Variants in GALNT18 observed in about 807,000 individuals in gnomAD.
GALNT18 encodes the protein polypeptide N-acetylgalactosaminyltransferase 18, also known as GalNAc-transferase 18.
In GALNT18, 44 loss-of-function variants were observed where a neutral mutation model predicts 69.5. The ratio of observed to expected loss-of-function variants is 0.63; its 90% confidence interval spans 0.50 to 0.81. The LOEUF (loss-of-function observed/expected upper bound fraction) is 0.81, where lower values mean the gene tolerates loss of function less well. Ranked by LOEUF, GALNT18 falls within the 40% of genes least tolerant of loss-of-function variation. The probability of loss-of-function intolerance (pLI) is 0.00; values close to 1 mark genes in which losing one functional copy is unlikely to be tolerated. For synonymous variants in GALNT18, 364 were observed against 318.2 expected, an observed-to-expected ratio of 1.14 and a Z score of -1.53; for missense variants, 715 against 810.0, an observed-to-expected ratio of 0.88 and a Z score of 1.42.
intron 2 of GALNT18, among the ~76,000 whole-genome samples, chr11:11,448,433 A>G (rs1312404142): frequency 1.3e-5 from 2 of 152,264 alleles, no homozygotes; most frequent in African/African-American, 4.8e-5. Flanking sequence ...ATAAAATGCA[A>G]CTAATTGGGT....
intron 6 of GALNT18, among the ~76,000 whole-genome samples, chr11:11,350,143 G>A (rs144987299): frequency 4.0e-4 from 61 of 152,320 alleles, no homozygotes; most frequent in South Asian, 2.1e-3. Context: ...AACTTAAAAG[G>A]CTGTTTTGCA....
chr11:11,296,609 C>G (rs1170183686), intron 9 of GALNT18, among the ~76,000 whole-genome samples: 1 of 152,178 alleles, frequency 6.6e-6, no homozygotes, highest in East Asian at 1.9e-4. Flanking sequence ...AGTGGCTACT[C>G]AGGTAACAGC....
chr11:11,589,775 A>G (rs952833273), intron 1 of GALNT18, among the ~76,000 whole-genome samples: 2 of 152,198 alleles, frequency 1.3e-5, no homozygotes, highest in African/African-American at 4.8e-5. Context: ...TTGGCTGCTC[A>G]CAAAAATTCC....
intron 9 of GALNT18, among the ~76,000 whole-genome samples, chr11:11,302,418 C>T (rs553813940): frequency 6.6e-6 from 1 of 152,328 alleles, no homozygotes; most frequent in Admixed American, 6.5e-5. Context: ...CTTAGCCCCT[C>T]ATCCAGATTC....
intron 1 of GALNT18, among the ~76,000 whole-genome samples, chr11:11,519,310 G>A (rs116017193): frequency 6.6e-6 from 1 of 152,154 alleles, no homozygotes; most frequent in Admixed American, 6.5e-5. Context: ...CTAGCAAAAG[G>A]GGGGAGCCAT....
chr11:11,353,842 T>C (rs1429873495), intron 6 of GALNT18, among the ~76,000 whole-genome samples: 1 of 152,178 alleles, frequency 6.6e-6, no homozygotes, highest in Non-Finnish European at 1.5e-5. Flanking sequence ...AGCCAACTGA[T>C]GGCAGGTAAT....
At chr11:11,443,183 G>A (rs1316129023) in intron 2 of GALNT18, among the ~76,000 whole-genome samples, 1 of 152,106 alleles carries the variant, frequency 6.6e-6, no homozygotes, top group African/African-American at 2.4e-5. Context: ...GCCCGGCTGG[G>A]GTGAGAAGCC....
In GALNT18 at chr11:11,439,053, GAAGCT is replaced by G. The variant is rs1301715659; in HGVS notation, c.429-6271_429-6267del. ...CAGGCCTATGAGGCAGCCTAGCACA[GAAGCT>G]CTGCGTAGCTGGATCTAGTAATTTT... On this transcript the variant is annotated intron_variant, in intron 2 of 10. Coordinates refer to ENST00000227756, the MANE Select transcript of GALNT18 (RefSeq NM_198516.3). This position sits in a 1 kb window ranked among gnomAD's most constrained non-coding sequence, Gnocchi z 4.4. Among the ~76,000 whole-genome samples the G allele has an allele frequency of 2.0e-5, 3 of 152,206 alleles. No individual in the cohort carries two copies. Among genetic ancestry groups the G allele is most frequent in the Non-Finnish European group, 4.4e-5 (3 of 68,040 alleles).
In GALNT18 at chr11:11,406,603, A is replaced by G. The variant is rs948225939; in HGVS notation, c.595+26018T>C. The stretch of plus-strand genomic sequence containing the variant: ...TGGTTCCCAGTTGCCATTGCAGTAC[A>G]ATAAAGGCAAAGTTGAACACCAGGG... On this transcript the variant is annotated intron_variant, in intron 3 of 10. Coordinates refer to ENST00000227756, the MANE Select transcript of GALNT18 (RefSeq NM_198516.3). Among the ~76,000 whole-genome samples the G allele has an allele frequency of 6.6e-5, 10 of 152,354 alleles. No homozygotes were observed. In the East Asian group the frequency reaches 9.6e-4, roughly 15 times the overall value.
intron 1 of GALNT18, among the ~76,000 whole-genome samples, chr11:11,533,506 T>A (rs995444781): frequency 7.2e-5 from 11 of 152,198 alleles, no homozygotes; most frequent in Admixed American, 7.2e-4. Flanking sequence ...GAGGCGACGT[T>A]CGCTCAGAGA....
At chr11:11,273,840 C>T (rs1409073272) in intron 10 of GALNT18, among the ~76,000 whole-genome samples, 1 of 152,104 alleles carries the variant, frequency 6.6e-6, no homozygotes, top group Non-Finnish European at 1.5e-5. Context: ...GGTATATACA[C>T]AGGATGGAAT....
At chr11:11,352,572 T>A in intron 6 of GALNT18, 1 of 1,614,178 alleles carries the variant, frequency 6.2e-7, no homozygotes, top group South Asian at 1.1e-5. Context: ...TTGGCCAGGA[T>A]GATAAAACTC....
chr11:11,359,960 A>C (rs1326589913), intron 6 of GALNT18, among the ~76,000 whole-genome samples: 1 of 152,220 alleles, frequency 6.6e-6, no homozygotes, highest in Non-Finnish European at 1.5e-5. Context: ...ATCGTACAAC[A>C]ATTAATAATA....
chr11:11,287,967 T>C (rs1849224409), intron 10 of GALNT18, among the ~76,000 whole-genome samples: 1 of 152,204 alleles, frequency 6.6e-6, no homozygotes. Flanking sequence ...GATAGCTGCA[T>C]GTCCCCACAC....
chr11:11,302,948 C>T (rs1265053144), intron 9 of GALNT18, among the ~76,000 whole-genome samples: 1 of 152,218 alleles, frequency 6.6e-6, no homozygotes, highest in African/African-American at 2.4e-5. Context: ...CCCCTCGGGG[C>T]TCAGCCTCTC....
At chr11:11,443,559 G>T (rs1385557803) in intron 2 of GALNT18, among the ~76,000 whole-genome samples, 2 of 152,042 alleles carry the variant, frequency 1.3e-5, no homozygotes, top group Admixed American at 1.3e-4. Flanking sequence ...GACACCGAGA[G>T]GCAGGAGGAA....
At position 11,597,821 on chromosome 11, in the gene GALNT18, C is replaced by T. The variant is rs181432092; in HGVS notation, c.235+23538G>A. Among the ~76,000 whole-genome samples, 43 of 152,008 alleles carry T rather than the reference C, an allele frequency of 2.8e-4. 1 individual carries two copies. The South Asian group carries it at 6.5e-3, about 23-fold the overall frequency. ...GACTACAGGCGCCTGCCACCACGCC[C>T]GGCTAATTTTTTGTATTTTTAGTAG... On this transcript the variant is annotated intron_variant, in intron 1 of 10. Coordinates refer to ENST00000227756, the MANE Select transcript of GALNT18 (RefSeq NM_198516.3).
intron 10 of GALNT18, among the ~76,000 whole-genome samples, chr11:11,280,635 C>T (rs77433727): frequency 0.03 from 4,584 of 152,240 alleles, 89 homozygotes; most frequent in South Asian, 0.069. Flanking sequence ...CCTGGTGGGA[C>T]AATTTTGTAT....
chr11:11,619,645 G>A lies in GALNT18; in HGVS notation c.235+1714C>T, dbSNP rs772701477. On this transcript the variant is annotated intron_variant, in intron 1 of 10. Coordinates refer to ENST00000227756, the MANE Select transcript of GALNT18 (RefSeq NM_198516.3). The surrounding 1 kb of genome is among the most constrained non-coding windows in gnomAD (Gnocchi z 4.9). ...GTGAATGAAAATCTCAAAATCTGTC[G>A]GCAAACTAGAAATGTCAAAGTAAGG... Among the ~76,000 whole-genome samples, 7 of 152,106 alleles carry A rather than the reference G, an allele frequency of 4.6e-5. No homozygotes were observed. The highest frequency in any genetic ancestry group is 7.2e-5 in the African/African-American group (3 of 41,416).
Sources: allele counts gnomAD v4.1 joint callset (sites outside exome capture counted in the v4.1 genomes callset), GRCh38; gene constraint gnomAD v4.1.1; non-coding constraint Gnocchi (gnomAD v3.1); transcripts MANE v1.5; gene names NCBI Gene and HGNC (gene_info 2026-07-23, HGNC 2026-07-21).